The following CACNA2D3 variants were observed in gnomAD, a reference collection of about 807,000 sequenced individuals.
CACNA2D3 encodes calcium voltage-gated channel auxiliary subunit alpha2delta 3.
CACNA2D3 carries 60 observed loss-of-function variants against 160.6 expected under a neutral mutation model. That is an observed-to-expected ratio of 0.37 (90% CI 0.30 to 0.46). The LOEUF (loss-of-function observed/expected upper bound fraction) is 0.46, where lower values mean the gene tolerates loss of function less well. CACNA2D3 is among the 20% of genes least tolerant of loss of function. The probability of loss-of-function intolerance (pLI) is 1.00; values close to 1 mark genes in which losing one functional copy is unlikely to be tolerated. For synonymous variants in CACNA2D3, 558 were observed against 492.9 expected, an observed-to-expected ratio of 1.13 and a Z score of -1.75; for missense variants, 1,205 against 1,365.0, an observed-to-expected ratio of 0.88 and a Z score of 1.85.
intron 11 of CACNA2D3, among the ~76,000 whole-genome samples, chr3:54,686,766 G>C (rs2106923899): frequency 6.6e-6 from 1 of 152,040 alleles, no homozygotes; most frequent in East Asian, 1.9e-4. Flanking sequence ...ATGGCTTTTT[G>C]GCAATTGCTG....
intron 5 of CACNA2D3, among the ~76,000 whole-genome samples, chr3:54,514,366 TAGG>T (rs754945296): frequency 6.6e-5 from 10 of 152,176 alleles, no homozygotes; most frequent in Non-Finnish European, 1.3e-4. Context: ...GCAGTGTGTT[TAGG>T]AGAAGTGAAT....
chr3:54,487,707 A>AG (rs1701037834), intron 4 of CACNA2D3, among the ~76,000 whole-genome samples: 1 of 152,258 alleles, frequency 6.6e-6, no homozygotes, highest in South Asian at 2.1e-4. Flanking sequence ...AATGCAATAA[A>AG]GAAAAAAAAT....
At chr3:54,291,080 C>T (rs1438651037) in intron 2 of CACNA2D3, among the ~76,000 whole-genome samples, 1 of 152,008 alleles carries the variant, frequency 6.6e-6, no homozygotes, top group African/African-American at 2.4e-5. Flanking sequence ...AAATATGTAC[C>T]TACATACACA....
intron 17 of CACNA2D3, among the ~76,000 whole-genome samples, chr3:54,863,755 C>T (rs1699344677): frequency 6.6e-6 from 1 of 151,884 alleles, no homozygotes; most frequent in South Asian, 2.1e-4. Flanking sequence ...TTTAGTTTTA[C>T]AGCGATCAAA....
rs1022568795 is a variant in CACNA2D3 at position 54,577,085 on chromosome 3, G to C, written c.889-4718G>C. On this transcript the variant is annotated intron_variant, in intron 8 of 37. Transcript: ENST00000474759. Reference sequence around the variant, plus strand: ...CAAACAAAAGGAAAAAAGGCCTTATGTTCAGATGGAACAAGAGTAAACATA... The same window carrying C: ...CAAACAAAAGGAAAAAAGGCCTTATCTTCAGATGGAACAAGAGTAAACATA... Among the ~76,000 whole-genome samples, 6 of 152,228 alleles carry C rather than the reference G, an allele frequency of 3.9e-5. No individual in the cohort carries two copies. The South Asian group carries it at 1.0e-3, about 26-fold the overall frequency.
intron 2 of CACNA2D3, among the ~76,000 whole-genome samples, chr3:54,137,602 A>G (rs1308827952): frequency 6.6e-6 from 1 of 152,218 alleles, no homozygotes; most frequent in African/African-American, 2.4e-5. Context: ...GGCTTACAGT[A>G]AAGAATACAT....
At position 54,557,602 on chromosome 3, in the gene CACNA2D3, C is replaced by T. The variant is rs185564486; in HGVS notation, c.545-5198C>T. 3.7e-3 allele frequency among the ~76,000 whole-genome samples: 558 copies of T among 152,276 alleles called. 18 individuals are homozygous for T. The highest frequency in any genetic ancestry group is 0.031 in the Admixed American group (479 of 15,296). On this transcript the variant is annotated intron_variant, in intron 5 of 37. Coordinates refer to ENST00000474759, the MANE Select transcript of CACNA2D3 (RefSeq NM_018398.3). Reference sequence around the variant, plus strand: ...TTCTTTTTGTGGAAGGTTTTTATGACGCCGACATAATTGAGCCCATTGTTG... The same window carrying T: ...TTCTTTTTGTGGAAGGTTTTTATGATGCCGACATAATTGAGCCCATTGTTG...
At chr3:54,362,491 A>G (rs1698759689) in intron 3 of CACNA2D3, among the ~76,000 whole-genome samples, 1 of 152,306 alleles carries the variant, frequency 6.6e-6, no homozygotes, top group East Asian at 1.9e-4. Context: ...CATCATATTC[A>G]CGGGCCCTGC....
intron 9 of CACNA2D3, among the ~76,000 whole-genome samples, chr3:54,601,926 G>A (rs1703066944): frequency 6.6e-6 from 1 of 151,938 alleles, no homozygotes; most frequent in African/African-American, 2.4e-5. Flanking sequence ...AGGACTCTGT[G>A]CCCAGTTGCC....
intron 27 of CACNA2D3, 115 bp downstream of exon 27, chr3:54,899,983 A>G (rs1700289463): frequency 2.8e-6 from 2 of 714,720 alleles, no homozygotes; most frequent in South Asian, 1.7e-5. Context: ...AAAGGAGAAA[A>G]CAATTTTAAA....
intron 4 of CACNA2D3, among the ~76,000 whole-genome samples, chr3:54,419,739 T>TAGGCCTTATTTATAAATAAA (rs1250772496): frequency 2.6e-5 from 4 of 152,194 alleles, no homozygotes; most frequent in Non-Finnish European, 5.9e-5. Flanking sequence ...TACAGATGTC[T>TAGGCCTTATTTATAAATAAA]GGAATCTAGG....
intron 11 of CACNA2D3, among the ~76,000 whole-genome samples, chr3:54,708,268 T>C (rs1700891830): frequency 6.6e-6 from 1 of 152,232 alleles, no homozygotes; most frequent in African/African-American, 2.4e-5. Context: ...TGGTATCACA[T>C]GATATATACA....
chr3:54,576,648 A>G (rs1023584332), intron 8 of CACNA2D3, among the ~76,000 whole-genome samples: 4 of 152,214 alleles, frequency 2.6e-5, no homozygotes, highest in African/African-American at 9.6e-5. Flanking sequence ...GATGTAGTCT[A>G]ATACCTGAGG....
At chr3:54,326,426 C>T (rs1704122883) in intron 3 of CACNA2D3, among the ~76,000 whole-genome samples, 2 of 152,098 alleles carry the variant, frequency 1.3e-5, no homozygotes, top group Admixed American at 1.3e-4. Flanking sequence ...AAGCAGGATG[C>T]ACCCAAGTAA....
intron 11 of CACNA2D3, among the ~76,000 whole-genome samples, chr3:54,656,056 G>C (rs1009315377): frequency 2.6e-5 from 4 of 152,118 alleles, no homozygotes; most frequent in African/African-American, 9.7e-5. Context: ...AGTCCTTGAG[G>C]GGAGGCAAGT....
At chr3:54,940,945 GACTA>G (rs1701450591) in intron 27 of CACNA2D3, among the ~76,000 whole-genome samples, 1 of 152,158 alleles carries the variant, frequency 6.6e-6, no homozygotes, top group Non-Finnish European at 1.5e-5. Context: ...CTCTTAACAA[GACTA>G]ACTTTGTCAT....
At chr3:54,861,149 G>A (rs1462496186) in intron 17 of CACNA2D3, among the ~76,000 whole-genome samples, 3 of 152,138 alleles carry the variant, frequency 2.0e-5, no homozygotes, top group African/African-American at 7.2e-5. Flanking sequence ...ATAATTTGCA[G>A]TACAATGTGA....
intron 11 of CACNA2D3, among the ~76,000 whole-genome samples, chr3:54,657,485 C>T (rs894515378): frequency 1.3e-5 from 2 of 152,182 alleles, no homozygotes; most frequent in Non-Finnish European, 2.9e-5. Context: ...ACTTTCTCAT[C>T]TTGTATAACG....
chr3:54,154,985 A>G (rs1700220355), intron 2 of CACNA2D3, among the ~76,000 whole-genome samples: 1 of 152,258 alleles, frequency 6.6e-6, no homozygotes, highest in African/African-American at 2.4e-5. Context: ...ACCTTGAATC[A>G]GTACTATAAA....
Sources: gnomAD v4.1 joint callset for allele counts (sites outside exome capture counted in the v4.1 genomes callset) on GRCh38, gnomAD v4.1.1 for gene constraint, MANE v1.5 for transcripts, NCBI Gene and HGNC (gene_info 2026-07-23, HGNC 2026-07-21) for gene names.